MAP4K1: variants seen among roughly 807,000 people sequenced by gnomAD.
The protein encoded by MAP4K1 is MAPK/ERK kinase kinase kinase 1.
Under a neutral mutation model 122.8 loss-of-function variants are expected in MAP4K1, and 35 were observed. The observed-to-expected ratio is 0.29, with a 90% CI of 0.22 to 0.38. The LOEUF (loss-of-function observed/expected upper bound fraction) is 0.38. Among genes scored for constraint, MAP4K1 ranks in the 10% least tolerant of loss-of-function variants. The pLI is 1.00. For synonymous variants in MAP4K1, 412 were observed against 421.3 expected, an observed-to-expected ratio of 0.98 and a Z score of 0.27; for missense variants, 791 against 1,072.6, an observed-to-expected ratio of 0.74 and a Z score of 3.67.
intron 17 of MAP4K1, among the ~76,000 whole-genome samples, chr19:38,605,941 A>C (rs1975317181): frequency 6.6e-6 from 1 of 151,816 alleles, no homozygotes; most frequent in South Asian, 2.1e-4. Flanking sequence ...AATGCTGGAT[A>C]TATAGCAGGG....
At chr19:38,594,410 C>T (rs1460486164) in intron 29 of MAP4K1, among the ~76,000 whole-genome samples, 2 of 152,082 alleles carry the variant, frequency 1.3e-5, no homozygotes, top group South Asian at 2.1e-4. Flanking sequence ...GAGGCTGAGG[C>T]GGGCAGATCA....
Position 38,617,825 on chromosome 19 carries a change from C to G in MAP4K1, c.71G>C (p.Gly24Ala). The change falls in exon 1 of 31, where the codon GGT (glycine) becomes GCT (alanine). Residue 24 changes from glycine to alanine, a missense_variant. Gly to Ala is a moderately conservative substitution (Grantham distance 60). Transcript: ENST00000396857. The surrounding 1 kb of genome is among the most constrained non-coding windows in gnomAD (Gnocchi z 4.1). ...RDHYDLLQRL[G>A]GGTYGEVFKA... is the part of the protein sequence containing the mutation. Reference sequence around the variant, plus strand: ...AAAGACTTCCCCATACGTGCCGCCACCCAGCCGCTGTAGCAGGTCATAGTG... The same window carrying G: ...AAAGACTTCCCCATACGTGCCGCCAGCCAGCCGCTGTAGCAGGTCATAGTG... 1 of 1,614,156 alleles carries G rather than the reference C, an allele frequency of 6.2e-7. No individual in the cohort carries two copies. Among genetic ancestry groups the G allele is most frequent in the Non-Finnish European group, 8.5e-7 (1 of 1,180,016 alleles).
intron 13 of MAP4K1, among the ~76,000 whole-genome samples, chr19:38,608,583 G>A (rs1975398489): frequency 6.6e-6 from 1 of 151,930 alleles, no homozygotes; most frequent in African/African-American, 2.4e-5. Flanking sequence ...ATCACCTGAG[G>A]TCAGGAGTTC....
At position 38,613,877 on chromosome 19, in the gene MAP4K1, C is replaced by T. The variant is rs746009129; in HGVS notation, c.533+3G>A. ...CCCTAGCTGCCCGCTGGGCGCCACT[C>T]ACCAGTAGGGTGTCCCAATGAAAGA... On this transcript the variant is annotated splice_donor_region_variant and intron_variant, in intron 8 of 30. Coordinates refer to ENST00000396857, the MANE Select transcript of MAP4K1 (RefSeq NM_001042600.3). 5 of 1,604,854 alleles carry T rather than the reference C, an allele frequency of 3.1e-6. No homozygotes were observed. In the Admixed American group the frequency reaches 8.6e-5, roughly 28 times the overall value.
At chr19:38,596,711 G>A (rs568495495) in intron 25 of MAP4K1, among the ~76,000 whole-genome samples, 1 of 152,296 alleles carries the variant, frequency 6.6e-6, no homozygotes, top group South Asian at 2.1e-4. Context: ...GGCGGCAGAC[G>A]GGCAGGGCCC....
rs2144747233 is a variant in MAP4K1 at position 38,616,199 on chromosome 19, G to T, written c.309C>A (p.Tyr103Ter). Residue 103 changes from tyrosine (Y) to a stop codon, truncating the protein, a stop_gained, in exon 4 of 31, where the codon TAC becomes TAA. Coordinates refer to ENST00000396857, the MANE Select transcript of MAP4K1 (RefSeq NM_001042600.3). LOFTEE classifies it high-confidence loss of function. ...TCCCGTTGTCCTTTCTCTAACCTTG[G>T]TAGATGTCCTGGAGAGAACCAGCCC... Reference protein sequence around the residue: ...FCGAGSLQDIYQVTGSLSELQ... With the variant: ...FCGAGSLQDI 1 of 1,613,012 alleles carries T rather than the reference G, an allele frequency of 6.2e-7. No homozygotes were observed. Among genetic ancestry groups the T allele is most frequent in the African/African-American group, 1.3e-5 (1 of 74,934 alleles).
intron 22 of MAP4K1, among the ~76,000 whole-genome samples, chr19:38,598,471 G>A (rs982004492): frequency 2.6e-5 from 4 of 152,044 alleles, no homozygotes; most frequent in African/African-American, 9.7e-5. Context: ...TGGAACCATA[G>A]GTGTGTGCCA....
chr19:38,607,795 C>T, intron 16 of MAP4K1, 69 bp downstream of exon 16: 2 of 1,542,966 alleles, frequency 1.3e-6, no homozygotes, highest in South Asian at 1.2e-5. Flanking sequence ...GGAAAGGCCA[C>T]ATCAGGGGAT....
At chr19:38,611,392 C>A in intron 9 of MAP4K1, 87 bp from the exon 10 acceptor site, 1 of 859,390 alleles carries the variant, frequency 1.2e-6, no homozygotes, top group South Asian at 1.4e-5. Flanking sequence ...GCATTGTGGT[C>A]AGCAGAGGGC....
chr19:38,588,785 G>A (rs1444144242), intron 30 of MAP4K1, among the ~76,000 whole-genome samples: 3 of 150,948 alleles, frequency 2.0e-5, no homozygotes, highest in Non-Finnish European at 4.4e-5. Flanking sequence ...CAGGCATGGT[G>A]GTGCACGCCT....
rs1002844214 is a variant in MAP4K1, at chr19:38,605,375, A to T, written c.1446+34T>A. ...CCACCAGGCATCCCCAGCCCCGTCC[A>T]GAGGTGTAAGTCCTCAGCAGAGCTG... On this transcript the variant is annotated intron_variant, in intron 19 of 30. Coordinates refer to ENST00000396857, the MANE Select transcript of MAP4K1 (RefSeq NM_001042600.3). The T allele has an allele frequency of 6.4e-6, 8 of 1,244,058 alleles. No individual in the cohort carries two copies. The Admixed American group carries it at 1.6e-4, about 25-fold the overall frequency. 77.1% of individuals were successfully genotyped at this position (1,244,058 alleles called of 1,614,324 possible). A position where few individuals can be genotyped will look rare whatever the true frequency, so the allele number is the denominator to read the frequency against.
intron 19 of MAP4K1, among the ~76,000 whole-genome samples, chr19:38,604,141 A>G (rs1342412362): frequency 7.5e-6 from 1 of 133,974 alleles, no homozygotes; most frequent in Admixed American, 8.9e-5. Flanking sequence ...AAAAAAAAAA[A>G]AAAAAAAAAA....
In MAP4K1 at chr19:38,607,896, C is replaced by T. The variant is rs1975376571; in HGVS notation, c.1125G>A (p.Glu375=). ...CGTCGTCATAGTCATCGTCAGACGA[C>T]TCTGACAGTTGCTTCCTGAAGGGTG... ...RSSSPRKQLS[E]SSDDDYDDVD... is the part of the protein sequence containing the mutation. Residue 375 remains glutamate (E), a synonymous_variant, in exon 16 of 31, where the codon GAG becomes GAA. Coordinates refer to ENST00000396857, the MANE Select transcript of MAP4K1 (RefSeq NM_001042600.3). 3 of 1,612,306 alleles carry T rather than the reference C, an allele frequency of 1.9e-6. No homozygotes were observed. The highest frequency in any genetic ancestry group is 1.3e-5 in the African/African-American group (1 of 74,840).
chr19:38,593,290 G>A lies in MAP4K1; in HGVS notation c.2388C>T (p.Gly796=). 1.2e-6 allele frequency: 2 copies of A among 1,612,144 alleles called. No individual in the cohort carries two copies. Among genetic ancestry groups the A allele is most frequent in the Non-Finnish European group, 8.5e-7 (1 of 1,179,070 alleles). ...RDPTLTFRLL[G]SPRPVVVETR... is the part of the protein sequence containing the mutation. ...CCCACCCCACAACATACCTGGGGGA[G>A]CCAAGCAGACGGAAAGTGAGGGTAG... The change falls in exon 30 of 31, where the codon GGC becomes GGT. Residue 796 remains glycine (G), a synonymous_variant. Transcript: ENST00000396857.
rs754129576 is a variant in MAP4K1, at chr19:38,605,625, T to A, written c.1306A>T (p.Ser436Cys). 6.3e-7 allele frequency: 1 copy of A among 1,585,438 alleles called. No individual in the cohort carries two copies. The highest frequency in any genetic ancestry group is 1.1e-5 in the South Asian group (1 of 87,986). ...VRCASGPPPN[S>C]PRPGPPPSTS... ...GATGGGGGAGGCCCAGGACGGGGGCTGTTTGGTGGGGGCCCACTGGCACAC... is the reference window on the plus strand; with the variant it reads ...GATGGGGGAGGCCCAGGACGGGGGCAGTTTGGTGGGGGCCCACTGGCACAC... The change falls in exon 18 of 31, where the codon AGC (serine) becomes TGC (cysteine). Residue 436 changes from serine (S) to cysteine (C), a missense_variant. This residue lies in a region of MAP4K1 where 303 missense variants were observed against 344.8 expected (regional missense o/e 0.88). Transcript: ENST00000396857.
Position 38,617,881 on chromosome 19 carries a change from G to A in MAP4K1, c.15C>T (p.Asp5=). Residue 5 remains aspartate, a synonymous_variant, in exon 1 of 31, where the codon GAC becomes GAT. Transcript: ENST00000396857. This position sits in a 1 kb window ranked among gnomAD's most constrained non-coding sequence, Gnocchi z 4.1. Reference sequence around the variant, plus strand: ...GGGGGTCTCTATTGAAAATGTCAGGGTCCACGACGTCCATCCCTGGGGGCC... The same window carrying A: ...GGGGGTCTCTATTGAAAATGTCAGGATCCACGACGTCCATCCCTGGGGGCC... The part of the protein sequence containing the change: MDVV[D]PDIFNRDPRD... The A allele has an allele frequency of 6.2e-7, 1 of 1,614,096 alleles. No homozygotes were observed. Among genetic ancestry groups the A allele is most frequent in the Non-Finnish European group, 8.5e-7 (1 of 1,179,992 alleles).
chr19:38,593,130 A>G, intron 30 of MAP4K1, 152 bp downstream of exon 30: 1 of 602,014 alleles, frequency 1.7e-6, no homozygotes, highest in East Asian at 3.3e-5. Flanking sequence ...GCTGCAGTGC[A>G]GAGAACAGAC....
Position 38,597,011 on chromosome 19 carries a change from C to T in MAP4K1, c.1941+23G>A. ...TTAGCCACCCACTCCTCAGAGTTCCCAGCACCCTCCCAAGCCCCTTACCCG... is the reference window on the plus strand; with the variant it reads ...TTAGCCACCCACTCCTCAGAGTTCCTAGCACCCTCCCAAGCCCCTTACCCG... On this transcript the variant is annotated intron_variant, in intron 25 of 30. Coordinates refer to ENST00000396857, the MANE Select transcript of MAP4K1 (RefSeq NM_001042600.3). The surrounding 1 kb of genome is among the most constrained non-coding windows in gnomAD (Gnocchi z 4.6). The T allele has an allele frequency of 6.2e-7, 1 of 1,610,676 alleles. No homozygotes were observed. Among genetic ancestry groups the T allele is most frequent in the South Asian group, 1.1e-5 (1 of 90,996 alleles).
chr19:38,598,918 C>T (rs1974970989), intron 22 of MAP4K1, among the ~76,000 whole-genome samples: 1 of 144,392 alleles, frequency 6.9e-6, no homozygotes, highest in Non-Finnish European at 1.5e-5. Context: ...GAGGGTGAGG[C>T]AGGAGAATCG....
Sources: gnomAD v4.1 joint callset for allele counts (sites outside exome capture counted in the v4.1 genomes callset) on GRCh38, gnomAD v4.1.1 for gene constraint, gnomAD v4.1.1 regional missense constraint, Gnocchi (gnomAD v3.1) non-coding constraint, MANE v1.5 for transcripts, NCBI Gene and HGNC (gene_info 2026-07-23, HGNC 2026-07-21) for gene names.